The following SPMIP2 variants were observed in gnomAD, a reference collection of about 807,000 sequenced individuals.
SPMIP2 encodes the protein protein SPMIP2.
chr4:159,076,634 T>A, the SPMIP2 span, among the ~76,000 whole-genome samples: 1 of 152,190 alleles, frequency 6.6e-6, no homozygotes, highest in East Asian at 1.9e-4. Context: ...TAATAAATAC[T>A]TTAAAACATA....
chr4:158,894,496 T>G, the SPMIP2 span, among the ~76,000 whole-genome samples: 1 of 152,172 alleles, frequency 6.6e-6, no homozygotes, highest in Non-Finnish European at 1.5e-5. Flanking sequence ...TGCTTTGATT[T>G]CACGTCTAGT....
the SPMIP2 span, among the ~76,000 whole-genome samples, chr4:158,902,716 C>A: frequency 6.6e-6 from 1 of 152,244 alleles, no homozygotes; most frequent in African/African-American, 2.4e-5. Context: ...CAGTCTGGCC[C>A]CAGTGGCCTT....
the SPMIP2 span, among the ~76,000 whole-genome samples, chr4:159,066,705 C>A: frequency 6.6e-6 from 1 of 151,518 alleles, no homozygotes. Context: ...TTTGGACCCT[C>A]TGTGGAAGAA....
chr4:158,923,611 T>C, the SPMIP2 span, among the ~76,000 whole-genome samples: 13 of 152,220 alleles, frequency 8.5e-5, no homozygotes, highest in African/African-American at 3.1e-4. Context: ...ATAGATTTTA[T>C]GTAGATTCCT....
At chr4:159,070,638 A>C in the SPMIP2 span, among the ~76,000 whole-genome samples, 1 of 152,194 alleles carries the variant, frequency 6.6e-6, no homozygotes, top group African/African-American at 2.4e-5. Context: ...CTTTGGAGGT[A>C]TTTCTTACCT....
At chr4:158,955,753 CA>C in the SPMIP2 span, among the ~76,000 whole-genome samples, 6 of 150,728 alleles carry the variant, frequency 4.0e-5, no homozygotes, top group East Asian at 9.7e-4. Flanking sequence ...CACTGGAGGC[CA>C]AAAAAAAGGC....
chr4:159,027,372 G>A, the SPMIP2 span, among the ~76,000 whole-genome samples: 1 of 152,254 alleles, frequency 6.6e-6, no homozygotes, highest in South Asian at 2.1e-4. Context: ...TGAGTAGACT[G>A]AAGAATCATG....
the SPMIP2 span, among the ~76,000 whole-genome samples, chr4:159,010,757 C>T: frequency 4.6e-5 from 7 of 152,198 alleles, no homozygotes; most frequent in East Asian, 1.9e-4. Flanking sequence ...AGCTAACCTC[C>T]GGGCACATCT....
At chr4:158,925,820 C>A in the SPMIP2 span, among the ~76,000 whole-genome samples, 1 of 152,330 alleles carries the variant, frequency 6.6e-6, no homozygotes, top group African/African-American at 2.4e-5. Context: ...ATACCATACA[C>A]TGAGTGGCTT....
chr4:159,076,383 A>G, the SPMIP2 span, among the ~76,000 whole-genome samples: 1 of 152,190 alleles, frequency 6.6e-6, no homozygotes, highest in African/African-American at 2.4e-5. Context: ...CTATTTTTGT[A>G]ACTGCTGTTT....
At chr4:159,074,193 A>T in the SPMIP2 span, among the ~76,000 whole-genome samples, 3 of 152,110 alleles carry the variant, frequency 2.0e-5, no homozygotes, top group Non-Finnish European at 4.4e-5. Context: ...ACTTTTTACC[A>T]TTATTTCAAT....
chr4:158,985,615 G>T, the SPMIP2 span, among the ~76,000 whole-genome samples: 2 of 152,008 alleles, frequency 1.3e-5, no homozygotes, highest in Non-Finnish European at 2.9e-5. Flanking sequence ...AATAAATTAG[G>T]TATTGATGAG....
chr4:159,039,688 T>C, the SPMIP2 span, among the ~76,000 whole-genome samples: 1 of 152,238 alleles, frequency 6.6e-6, no homozygotes, highest in South Asian at 2.1e-4. Flanking sequence ...AGCCACCAGA[T>C]GCCTTTTGTT....
the SPMIP2 span, among the ~76,000 whole-genome samples, chr4:159,060,692 T>C: frequency 6.6e-6 from 1 of 152,204 alleles, no homozygotes; most frequent in Admixed American, 6.5e-5. Context: ...TGTTTAATCC[T>C]GTACAGAGCA....
the SPMIP2 span, among the ~76,000 whole-genome samples, chr4:158,931,659 C>G: frequency 0.019 from 2,890 of 152,176 alleles, 92 homozygotes; most frequent in African/African-American, 0.064. Context: ...ACCTCCCAGA[C>G]TCAGGTGATT....
the SPMIP2 span, among the ~76,000 whole-genome samples, chr4:158,927,561 C>G: frequency 0.065 from 9,966 of 152,302 alleles, 406 homozygotes; most frequent in African/African-American, 0.12. Context: ...AGCCCTCCCT[C>G]GCTCTCGGCG....
chr4:158,986,482 A>G, the SPMIP2 span, among the ~76,000 whole-genome samples: 1 of 150,424 alleles, frequency 6.6e-6, no homozygotes, highest in African/African-American at 2.4e-5. Flanking sequence ...ATAACACCGC[A>G]TATCTACAGC....
the SPMIP2 span, among the ~76,000 whole-genome samples, chr4:158,978,593 G>C: frequency 7.9e-5 from 12 of 152,058 alleles, no homozygotes; most frequent in Admixed American, 2.6e-4. Flanking sequence ...TATGAATCTG[G>C]GTGCTCCTGT....
chr4:159,064,748 T>C, the SPMIP2 span, among the ~76,000 whole-genome samples: 2 of 152,236 alleles, frequency 1.3e-5, no homozygotes, highest in Admixed American at 6.5e-5. Context: ...TATATGCATA[T>C]ATTTATATGT....
Sources: gnomAD v4.1 joint callset for allele counts (sites outside exome capture counted in the v4.1 genomes callset) on GRCh38, gnomAD v4.1.1 for gene constraint, MANE v1.5 for transcripts, NCBI Gene and HGNC (gene_info 2026-07-23, HGNC 2026-07-21) for gene names.